KSR2: variants seen among roughly 807,000 people sequenced by gnomAD.
The protein encoded by KSR2 is kinase suppressor of ras 2.
KSR2 carries 25 observed loss-of-function variants against 107.8 expected under a neutral mutation model. That is an observed-to-expected ratio of 0.23 (90% CI 0.17 to 0.32). KSR2 has a LOEUF of 0.32. Ranked by LOEUF, KSR2 falls within the 10% of genes least tolerant of loss-of-function variation. KSR2 has a pLI of 1.00. For missense variants in KSR2, 887 were observed against 1,268.9 expected (o/e 0.70, Z 4.57); for synonymous variants, 480 against 507.0 (o/e 0.95, Z 0.71).
intron 4 of KSR2, among the ~76,000 whole-genome samples, chr12:117,745,167 C>T (rs1253537148): frequency 6.7e-6 from 1 of 149,414 alleles, no homozygotes; most frequent in Non-Finnish European, 1.5e-5. Context: ...CCAATGCTGC[C>T]ACAGACTTTG....
chr12:117,508,480 G>A (rs1183985805), intron 14 of KSR2, among the ~76,000 whole-genome samples: 1 of 152,160 alleles, frequency 6.6e-6, no homozygotes, highest in African/African-American at 2.4e-5. Context: ...TGAATGGATA[G>A]GTGGGAGGGT....
At chr12:117,528,328 A>G (rs1875366287) in intron 12 of KSR2, among the ~76,000 whole-genome samples, 1 of 152,144 alleles carries the variant, frequency 6.6e-6, no homozygotes, top group Non-Finnish European at 1.5e-5. Context: ...GTGTTTTTGA[A>G]GTGCAGCAGG....
intron 3 of KSR2, among the ~76,000 whole-genome samples, chr12:117,763,114 C>T: frequency 6.6e-6 from 1 of 151,510 alleles, no homozygotes; most frequent in East Asian, 1.9e-4. Flanking sequence ...TTGTTCAATT[C>T]CCACCTATGA....
At chr12:117,684,712 G>A (rs71452613) in intron 4 of KSR2, among the ~76,000 whole-genome samples, 8,893 of 152,184 alleles carry the variant, frequency 0.058, 268 homozygotes, top group Middle Eastern at 0.071. Context: ...GCCAGGGGCC[G>A]GACACTGTGC....
chr12:117,862,604 C>A (rs979438944), intron 1 of KSR2, among the ~76,000 whole-genome samples: 2 of 152,168 alleles, frequency 1.3e-5, no homozygotes, highest in Non-Finnish European at 1.5e-5. Flanking sequence ...ATGATCATAC[C>A]ACTGCACTCA....
intron 1 of KSR2, among the ~76,000 whole-genome samples, chr12:117,951,314 A>T (rs1350490312): frequency 6.6e-6 from 1 of 152,154 alleles, no homozygotes; most frequent in African/African-American, 2.4e-5. Flanking sequence ...ATCACAAAAC[A>T]CTGCTTCTCC....
intron 4 of KSR2, among the ~76,000 whole-genome samples, chr12:117,699,725 G>C (rs2136611537): frequency 6.6e-6 from 1 of 152,256 alleles, no homozygotes; most frequent in Non-Finnish European, 1.5e-5. Flanking sequence ...GAATGTGAAG[G>C]CCTAGGACAT....
At chr12:117,598,665 G>T (rs1460931371) in intron 5 of KSR2, among the ~76,000 whole-genome samples, 1 of 152,052 alleles carries the variant, frequency 6.6e-6, no homozygotes, top group Non-Finnish European at 1.5e-5. Flanking sequence ...ATTCTTGCAG[G>T]AGTAAGGTGG....
intron 5 of KSR2, among the ~76,000 whole-genome samples, chr12:117,601,326 A>T (rs1351849545): frequency 6.6e-6 from 1 of 151,334 alleles, no homozygotes; most frequent in African/African-American, 2.4e-5. Flanking sequence ...ACTAGATTAA[A>T]TAGTGTCCTT....
intron 4 of KSR2, among the ~76,000 whole-genome samples, chr12:117,709,161 A>T (rs1886650898): frequency 1.3e-5 from 2 of 152,158 alleles, no homozygotes; most frequent in African/African-American, 4.8e-5. Context: ...CCAAGGGTGC[A>T]GACATCTTTG....
At chr12:117,952,657 T>C (rs141651841) in intron 1 of KSR2, among the ~76,000 whole-genome samples, 22 of 151,322 alleles carry the variant, frequency 1.5e-4, no homozygotes, top group African/African-American at 5.1e-4. Flanking sequence ...ACCTAGGCAA[T>C]AGCAAGACTC....
chr12:117,852,105 T>C (rs2137210313), intron 3 of KSR2, among the ~76,000 whole-genome samples: 2 of 152,130 alleles, frequency 1.3e-5, no homozygotes, highest in East Asian at 3.9e-4. Context: ...ACTGTCCATC[T>C]GGATCAAAAA....
intron 12 of KSR2, among the ~76,000 whole-genome samples, chr12:117,529,832 GTC>G (rs63681061): frequency 0.17 from 25,648 of 151,190 alleles, 2,343 homozygotes; most frequent in East Asian, 0.31. Flanking sequence ...GTGAATCCCT[GTC>G]TCTACAAAAA....
At chr12:117,636,852 A>G (rs558467354) in intron 5 of KSR2, among the ~76,000 whole-genome samples, 9 of 152,292 alleles carry the variant, frequency 5.9e-5, no homozygotes, top group African/African-American at 2.2e-4. Flanking sequence ...AAAAGAGCCA[A>G]TAAAGGAAAT....
At position 117,847,272 on chromosome 12, in the gene KSR2, G is replaced by A. The variant is rs950569269; in HGVS notation, c.472+8156C>T. ...TGTTCCAGTCAAAGGAAGACCGTAC[G>A]GTGGCAGGCGGCATTCTGGGGGGCT... is the stretch of plus-strand genomic sequence containing the variant. On this transcript the variant is annotated intron_variant, in intron 3 of 19. Coordinates refer to ENST00000339824, the MANE Select transcript of KSR2 (RefSeq NM_173598.6). Among the ~76,000 whole-genome samples the A allele has an allele frequency of 5.3e-5, 8 of 152,222 alleles. No individual in the cohort carries two copies. The South Asian group carries it at 6.2e-4, about 12-fold the overall frequency.
chr12:117,685,995 C>A (rs12305827), intron 4 of KSR2, among the ~76,000 whole-genome samples: 33,142 of 152,106 alleles, frequency 0.22, 3,746 homozygotes, highest in Admixed American at 0.26. Context: ...TTTCACCCTT[C>A]CTACATGCCT....
rs866121140 is a variant in KSR2, at chr12:117,696,738, T to C, written c.987-29080A>G. 2.0e-5 allele frequency among the ~76,000 whole-genome samples: 3 copies of C among 152,300 alleles called. No individual in the cohort carries two copies. In the South Asian group the frequency reaches 6.2e-4, roughly 32 times the overall value. The stretch of plus-strand genomic sequence containing the variant: ...TTCATTAATGAGTGATTACCAGGCA[T>C]CCAAGGACTTCTGTGACTTTCCCTT... On this transcript the variant is annotated intron_variant, in intron 4 of 19. Transcript: ENST00000339824.
intron 3 of KSR2, among the ~76,000 whole-genome samples, chr12:117,827,435 A>G (rs557305484): frequency 6.6e-5 from 10 of 152,222 alleles, no homozygotes; most frequent in Non-Finnish European, 1.2e-4. Flanking sequence ...CCTGGCTCCA[A>G]GACTTACTCA....
chr12:117,600,060 C>A (rs1880852540), intron 5 of KSR2, among the ~76,000 whole-genome samples: 1 of 152,160 alleles, frequency 6.6e-6, no homozygotes, highest in Non-Finnish European at 1.5e-5. Context: ...AGCAAGCTCT[C>A]AGAGCAGCCA....
Sources: gnomAD v4.1 joint callset for allele counts (sites outside exome capture counted in the v4.1 genomes callset) on GRCh38, gnomAD v4.1.1 for gene constraint, MANE v1.5 for transcripts, NCBI Gene and HGNC (gene_info 2026-07-23, HGNC 2026-07-21) for gene names.